Variants in PPP6R2 observed in about 807,000 individuals in gnomAD.
PPP6R2 encodes serine/threonine-protein phosphatase 6 regulatory subunit 2.
A neutral mutation model predicts 100.2 loss-of-function variants in PPP6R2; 62 were observed. The ratio of observed to expected loss-of-function variants is 0.62; its 90% CI spans 0.50 to 0.76. The LOEUF (loss-of-function observed/expected upper bound fraction) is 0.76, where lower values mean the gene tolerates loss of function less well. Among genes scored for constraint, PPP6R2 ranks in the 30% least tolerant of loss-of-function variants. PPP6R2 has a pLI of 0.00. For missense variants in PPP6R2, 1,142 were observed against 1,276.3 expected, an observed-to-expected ratio of 0.89 and a Z score of 1.60; for synonymous variants, 525 against 514.7, an observed-to-expected ratio of 1.02 and a Z score of -0.27.
At chr22:50,426,153 ATGT>A (rs1193816717) in intron 10 of PPP6R2, among the ~76,000 whole-genome samples, 1 of 152,022 alleles carries the variant, frequency 6.6e-6, no homozygotes, top group East Asian at 1.9e-4. Context: ...GGGTCTCGCT[ATGT>A]TGATCAGGCT....
At chr22:50,414,120 G>A (rs377509218) in intron 4 of PPP6R2, among the ~76,000 whole-genome samples, 15 of 152,114 alleles carry the variant, frequency 9.9e-5, no homozygotes, top group African/African-American at 3.4e-4. Flanking sequence ...CTGGCGTCTT[G>A]TGCACTCTGT....
rs2065220584 is a variant in PPP6R2, at chr22:50,440,004, T to C, written c.2329T>C (p.Cys777Arg). Residue 777 changes from cysteine to arginine, a missense_variant, in exon 21 of 24, where the codon TGC becomes CGC. Transcript: ENST00000612753. ...PRCSSPVDTE[C>R]SHAEGSRSQG... ...GTGCAGCTCTCCGGTGGACACAGAA[T>C]GCAGCCATGCTGAGGGCAGCCGGAG... 1 of 1,613,548 alleles carries C rather than the reference T, an allele frequency of 6.2e-7. No individual in the cohort carries two copies. Among genetic ancestry groups the C allele is most frequent in the Non-Finnish European group, 8.5e-7 (1 of 1,179,950 alleles).
rs556768387 is a variant in PPP6R2 at position 50,389,562 on chromosome 22, T to G, written c.-16-4331T>G. On this transcript the variant is annotated intron_variant, in intron 2 of 23. Coordinates refer to ENST00000612753, the MANE Select transcript of PPP6R2 (RefSeq NM_001242898.2). ...TCTGATGTGATCTTTTTTTGTTTTT[T>G]TTTTTTTTTGAGATGGAGTCTCGCG... 2.0e-3 allele frequency among the ~76,000 whole-genome samples: 300 copies of G among 151,868 alleles called. 4 individuals are homozygous for G. Among genetic ancestry groups the G allele is most frequent in the East Asian group, 4.4e-3 (23 of 5,184 alleles).
At chr22:50,355,918 T>C (rs2046445809) in intron 1 of PPP6R2, among the ~76,000 whole-genome samples, 1 of 151,486 alleles carries the variant, frequency 6.6e-6, no homozygotes, top group South Asian at 2.1e-4. Flanking sequence ...TAATTGTATA[T>C]ATTTATGGGG....
In PPP6R2 at chr22:50,414,613, C is replaced by T; in HGVS notation, c.476C>T (p.Thr159Ile). ...FISLVLKHIG[T>I]SALMDLLLRL... ...AGCCTGGTGTTGAAGCACATCGGCACCTCAGCGCTTATGGACCTGCTGCTG... is the reference window on the plus strand; with the variant it reads ...AGCCTGGTGTTGAAGCACATCGGCATCTCAGCGCTTATGGACCTGCTGCTG... The change falls in exon 5 of 24, where the codon ACC (threonine) becomes ATC (isoleucine). Residue 159 changes from threonine to isoleucine, a missense_variant. Around this residue, in one of 2 missense-constraint regions of PPP6R2, gnomAD observed 592 missense variants for 758.9 expected, o/e 0.78. Transcript: ENST00000612753. The T allele has an allele frequency of 1.2e-6, 2 of 1,613,970 alleles. No individual in the cohort carries two copies. Among genetic ancestry groups the T allele is most frequent in the Non-Finnish European group, 8.5e-7 (1 of 1,179,988 alleles).
At chr22:50,341,790 C>T (rs956494535), upstream of PPP6R2, among the ~76,000 whole-genome samples, 2 of 151,984 alleles carry the variant, frequency 1.3e-5, no homozygotes, top group African/African-American at 4.8e-5. Context: ...GTCAGGAGAT[C>T]AAGACCATCC....
chr22:50,368,517 G>A (rs2049252193), intron 1 of PPP6R2, among the ~76,000 whole-genome samples: 1 of 152,078 alleles, frequency 6.6e-6, no homozygotes, highest in South Asian at 2.1e-4. Context: ...TATAATATTG[G>A]AATAAAGAGT....
intron 3 of PPP6R2, among the ~76,000 whole-genome samples, chr22:50,403,793 T>A (rs915713180): frequency 1.3e-5 from 2 of 152,164 alleles, no homozygotes; most frequent in Middle Eastern, 3.2e-3. Context: ...AGTGGCACTT[T>A]CTTGTCTGGG....
chr22:50,376,266 G>A (rs181222958), intron 2 of PPP6R2, among the ~76,000 whole-genome samples: 2 of 152,092 alleles, frequency 1.3e-5, no homozygotes, highest in Non-Finnish European at 2.9e-5. Flanking sequence ...GCTGCTGTGA[G>A]CTATGATTGC....
At chr22:50,373,847 C>T (rs1312196087) in intron 2 of PPP6R2, among the ~76,000 whole-genome samples, 1 of 152,072 alleles carries the variant, frequency 6.6e-6, no homozygotes, top group African/African-American at 2.4e-5. Flanking sequence ...GAATTTCCTG[C>T]GTCAGCCTCC....
At chr22:50,443,676 G>T in intron 22 of PPP6R2, 190 bp from the exon 23 acceptor site, 1 of 732,586 alleles carries the variant, frequency 1.4e-6, no homozygotes, top group Non-Finnish European at 2.2e-6. Flanking sequence ...CCCAGTACTT[G>T]GAACTTGGGG....
At chr22:50,352,732 A>G (rs1218004139) in intron 1 of PPP6R2, among the ~76,000 whole-genome samples, 12 of 117,902 alleles carry the variant, frequency 1.0e-4, no homozygotes, top group African/African-American at 3.5e-5. Flanking sequence ...TCAAAACAAA[A>G]ACAAAAACAA....
Position 50,431,254 on chromosome 22 carries a change from G to A in PPP6R2, c.1207G>A (p.Ala403Thr). ...LCIAAILSHA[A>T]REERTEASGS... ...CATAGCCGCTATTCTCTCCCACGCTGCCCGTGAGGAGAGGACAGAAGCCAG... is the reference window on the plus strand; with the variant it reads ...CATAGCCGCTATTCTCTCCCACGCTACCCGTGAGGAGAGGACAGAAGCCAG... The change falls in exon 11 of 24, where the codon GCC (alanine) becomes ACC (threonine). Residue 403 changes from alanine (A) to threonine (T), a missense_variant. This residue lies in a region of PPP6R2 where 592 missense variants were observed against 758.9 expected (regional missense o/e 0.78). Coordinates refer to ENST00000612753, the MANE Select transcript of PPP6R2 (RefSeq NM_001242898.2). This position sits in a 1 kb window ranked among gnomAD's most constrained non-coding sequence, Gnocchi z 4.8. 6.2e-7 allele frequency: 1 copy of A among 1,613,756 alleles called. No individual in the cohort carries two copies. The highest frequency in any genetic ancestry group is 1.7e-5 in the Admixed American group (1 of 60,026).
At position 50,431,281 on chromosome 22, in the gene PPP6R2, G is replaced by A. The variant is rs770334648; in HGVS notation, c.1234G>A (p.Gly412Arg). ...AAREERTEAS[G>R]SESRVEPPHE... Reference sequence around the variant, plus strand: ...CCGTGAGGAGAGGACAGAAGCCAGCGGATCCGAGAGCAGGGTGGAGCCTCC... The same window carrying A: ...CCGTGAGGAGAGGACAGAAGCCAGCAGATCCGAGAGCAGGGTGGAGCCTCC... The change falls in exon 11 of 24, where the codon GGA becomes AGA. Residue 412 changes from glycine to arginine, a missense_variant. Physicochemically the swap from Gly to Arg is moderately radical, Grantham distance 125. Around this residue, in one of 2 missense-constraint regions of PPP6R2, gnomAD observed 592 missense variants for 758.9 expected, o/e 0.78. Transcript: ENST00000612753. The surrounding 1 kb of genome is among the most constrained non-coding windows in gnomAD (Gnocchi z 4.8). 4.3e-6 allele frequency: 7 copies of A among 1,613,546 alleles called. No individual in the cohort carries two copies. The highest frequency in any genetic ancestry group is 2.2e-5 in the South Asian group (2 of 91,084).
chr22:50,406,934 T>C, intron 4 of PPP6R2, 59 bp downstream of exon 4: 1 of 1,523,976 alleles, frequency 6.6e-7, no homozygotes, highest in Non-Finnish European at 9.1e-7. Context: ...TGCTGACGTG[T>C]CCTGCTGTGA....
At chr22:50,377,006 A>G (rs2051741308) in intron 2 of PPP6R2, among the ~76,000 whole-genome samples, 1 of 152,190 alleles carries the variant, frequency 6.6e-6, no homozygotes, top group Admixed American at 6.6e-5. Context: ...CAGCCTGGGC[A>G]ACAGAGCGAG....
chr22:50,431,001 T>A lies in PPP6R2; in HGVS notation c.1126-172T>A, dbSNP rs1310073770. Among the ~76,000 whole-genome samples the A allele has an allele frequency of 6.6e-6, 1 of 151,936 alleles. No homozygotes were observed. The highest frequency in any genetic ancestry group is 6.6e-5 in the Admixed American group (1 of 15,264). Reference sequence around the variant, plus strand: ...TCAGTGGCTATTTGAAGAAGCTCCGTAATAGAGAGATGACCCTCAGGAAAA... The same window carrying A: ...TCAGTGGCTATTTGAAGAAGCTCCGAAATAGAGAGATGACCCTCAGGAAAA... On this transcript the variant is annotated intron_variant, in intron 10 of 23. Transcript: ENST00000612753. This position sits in a 1 kb window ranked among gnomAD's most constrained non-coding sequence, Gnocchi z 4.8.
rs1378800967 is a variant in PPP6R2, at chr22:50,352,449, A to G, written c.-148+8899A>G. 5.3e-5 allele frequency among the ~76,000 whole-genome samples: 8 copies of G among 151,702 alleles called. No homozygotes were observed. The East Asian group carries it at 1.4e-3, about 26-fold the overall frequency. On this transcript the variant is annotated intron_variant, in intron 1 of 23. Coordinates refer to ENST00000612753, the MANE Select transcript of PPP6R2 (RefSeq NM_001242898.2). ...CAAACCATTAAAACTTTCTGCAGGCATTGGGTGCGGTGTCTGACCCCTGTA... is the reference window on the plus strand; with the variant it reads ...CAAACCATTAAAACTTTCTGCAGGCGTTGGGTGCGGTGTCTGACCCCTGTA...
At chr22:50,359,260 C>A (rs926420071) in intron 1 of PPP6R2, among the ~76,000 whole-genome samples, 1 of 150,492 alleles carries the variant, frequency 6.6e-6, no homozygotes, top group Admixed American at 6.6e-5. Context: ...GCTCTGTCGC[C>A]CAGGCTGGAG....
Sources: gnomAD v4.1 joint callset for allele counts (sites outside exome capture counted in the v4.1 genomes callset) on GRCh38, gnomAD v4.1.1 for gene constraint, gnomAD v4.1.1 regional missense constraint, Gnocchi (gnomAD v3.1) non-coding constraint, MANE v1.5 for transcripts, NCBI Gene and HGNC (gene_info 2026-07-23, HGNC 2026-07-21) for gene names.